Variants in BRCA2 observed in about 807,000 individuals in gnomAD.
The protein encoded by BRCA2 is BRCA2 DNA repair associated.
BRCA2 carries 203 observed loss-of-function variants against 276.7 expected under a neutral mutation model. That is an observed-to-expected ratio of 0.73 (90% confidence interval 0.65 to 0.82). The LOEUF (loss-of-function observed/expected upper bound fraction) is 0.82. Ranked by LOEUF, BRCA2 falls within the 40% of genes least tolerant of loss-of-function variation. The probability of loss-of-function intolerance (pLI) is 0.00; values close to 1 mark genes in which losing one functional copy is unlikely to be tolerated. For synonymous variants in BRCA2, 1,289 were observed against 1,338.4 expected (o/e 0.96, Z 0.81); for missense variants, 3,920 against 3,915.0 (o/e 1.00, Z -0.03).
intron 17 of BRCA2, 30 bp downstream of exon 17, chr13:32,362,723 A>G (rs1194287289): frequency 1.1e-5 from 17 of 1,610,754 alleles, no homozygotes; most frequent in Non-Finnish European, 1.4e-5. Context: ...TTACGTAATC[A>G]TATACGGCAG....
At chr13:32,315,799 A>T (rs903641928) in intron 1 of BRCA2, 132 bp downstream of exon 1, 1 of 153,778 alleles carries the variant, frequency 6.5e-6, no homozygotes, top group Non-Finnish European at 1.4e-5. Context: ...ACCCCCACCC[A>T]TGCCTGAGAG....
rs752309823 is a variant in BRCA2 at position 32,333,056 on chromosome 13, T to C, written c.1578T>C (p.Asp526=). 1.1e-5 allele frequency: 18 copies of C among 1,609,812 alleles called. No homozygotes were observed. The highest frequency in any genetic ancestry group is 8.5e-7 in the Non-Finnish European group (1 of 1,179,136). Reference sequence around the variant, plus strand: ...CAAGTTTTTCAGGTCATATGACTGATCCAAACTTTAAAAAAGAAACTGAAG... The same window carrying C: ...CAAGTTTTTCAGGTCATATGACTGACCCAAACTTTAAAAAAGAAACTGAAG... ...FNASFSGHMT[D]PNFKKETEAS... is the part of the protein sequence containing the mutation. Residue 526 remains aspartate, a synonymous_variant, in exon 10 of 27, where the codon GAT becomes GAC. Coordinates refer to ENST00000380152, the MANE Select transcript of BRCA2 (RefSeq NM_000059.4).
intron 16 of BRCA2, among the ~76,000 whole-genome samples, chr13:32,362,274 C>T (rs942547296): frequency 6.6e-6 from 1 of 152,322 alleles, no homozygotes; most frequent in East Asian, 1.9e-4. Flanking sequence ...AAGCAATCCT[C>T]CTGCCTCAGC....
chr13:32,318,419 G>T (rs569542706), intron 2 of BRCA2, among the ~76,000 whole-genome samples: 3 of 151,562 alleles, frequency 2.0e-5, no homozygotes, highest in Admixed American at 2.0e-4. Context: ...TGAATTTTTT[G>T]AATTTTATCT....
intron 18 of BRCA2, 133 bp downstream of exon 18, chr13:32,363,666 G>A (rs2072762461): frequency 2.2e-6 from 2 of 894,972 alleles, no homozygotes; most frequent in East Asian, 2.6e-5. Flanking sequence ...AGTATAAAAA[G>A]CATATTCTTC....
At chr13:32,354,190 A>G (rs1010160929) in intron 13 of BRCA2, among the ~76,000 whole-genome samples, 4 of 152,294 alleles carry the variant, frequency 2.6e-5, no homozygotes, top group East Asian at 1.9e-4. Flanking sequence ...TGCATCCCAC[A>G]TGCATCTGGG....
rs145615358 is a variant in BRCA2, at chr13:32,317,747, A to AT, written c.67+1224dup. 0.017 allele frequency among the ~76,000 whole-genome samples: 2,649 copies of AT among 152,350 alleles called. 36 individuals carry two copies. Among genetic ancestry groups the AT allele is most frequent in the Non-Finnish European group, 0.026 (1,770 of 68,020 alleles). On this transcript the variant is annotated intron_variant, in intron 2 of 26. Transcript: ENST00000380152. ...TTCTAATTTTCATTTGAAAGTTCAC[A>AT]TTTTGTCATTGACAACAAACTGTTT... is the stretch of plus-strand genomic sequence containing the variant.
rs28897729 is a variant in BRCA2, at chr13:32,338,979, G to T, written c.4624G>T (p.Val1542Leu). Residue 1542 changes from valine (V) to leucine (L), a missense_variant, in exon 11 of 27, where the codon GTG becomes TTG. This residue lies in a region of BRCA2 where 3,263 missense variants were observed against 3,156.9 expected (regional missense o/e 1.03). Coordinates refer to ENST00000380152, the MANE Select transcript of BRCA2 (RefSeq NM_000059.4). ...AATTGCAAAGGAATCTTTGGACAAA[G>T]TGAAAAACCTTTTTGATGAAAAAGA... is the stretch of plus-strand genomic sequence containing the variant. ...VKIAKESLDKVKNLFDEKEQG... is the reference protein window; with the variant it reads ...VKIAKESLDKLKNLFDEKEQG... 2 of 1,613,552 alleles carry T rather than the reference G, an allele frequency of 1.2e-6. No individual in the cohort carries two copies. Among genetic ancestry groups the T allele is most frequent in the East Asian group, 2.2e-5 (1 of 44,872 alleles).
intron 18 of BRCA2, among the ~76,000 whole-genome samples, chr13:32,365,721 C>A (rs922446016): frequency 9.4e-6 from 1 of 105,870 alleles, no homozygotes; most frequent in Non-Finnish European, 1.9e-5. Context: ...ACTTTGGTGT[C>A]TTTTTTTTTT....
Position 32,336,361 on chromosome 13 carries a change from A to G in BRCA2, c.2006A>G (p.Lys669Arg). 1 of 1,609,602 alleles carries G rather than the reference A, an allele frequency of 6.2e-7. No homozygotes were observed. The highest frequency in any genetic ancestry group is 1.1e-5 in the South Asian group (1 of 90,176). The change falls in exon 11 of 27, where the codon AAA (lysine) becomes AGA (arginine). Residue 669 changes from lysine (K) to arginine (R), a missense_variant. Around this residue, in one of 2 missense-constraint regions of BRCA2, gnomAD observed 3,263 missense variants for 3,156.9 expected, o/e 1.03. Coordinates refer to ENST00000380152, the MANE Select transcript of BRCA2 (RefSeq NM_000059.4). ...LTSSFGTILR[K>R]CSRNETCSNN... ...AGCTCTTTTGGGACAATTCTGAGGA[A>G]ATGTTCTAGAAATGAAACATGTTCT...
In BRCA2 at chr13:32,332,995, T is replaced by C. The variant is rs1249900164; in HGVS notation, c.1517T>C (p.Phe506Ser). The part of the protein sequence containing the change: ...SSFQGIKKSI[F>S]RIRESPKETF... ...TTTCAGGGTATCAAAAAGTCTATATTCAGAATAAGAGAATCACCTAAAGAG... is the reference window on the plus strand; with the variant it reads ...TTTCAGGGTATCAAAAAGTCTATATCCAGAATAAGAGAATCACCTAAAGAG... The change falls in exon 10 of 27, where the codon TTC (phenylalanine) becomes TCC (serine). Residue 506 changes from phenylalanine to serine, a missense_variant. Physicochemically the swap from Phe to Ser is radical, Grantham distance 155. This residue lies in a region of BRCA2 where 3,263 missense variants were observed against 3,156.9 expected (regional missense o/e 1.03). Transcript: ENST00000380152. 1.3e-6 allele frequency: 2 copies of C among 1,594,138 alleles called. No individual in the cohort carries two copies. Among genetic ancestry groups the C allele is most frequent in the Non-Finnish European group, 1.7e-6 (2 of 1,175,002 alleles).
rs1308950771 is a variant in BRCA2 at position 32,339,705 on chromosome 13, A to C, written c.5350A>C (p.Asn1784His). Residue 1784 changes from asparagine to histidine, a missense_variant, in exon 11 of 27, where the codon AAC becomes CAC. Physicochemically the swap from Asn to His is moderately conservative, Grantham distance 68. Around this residue, in one of 2 missense-constraint regions of BRCA2, gnomAD observed 3,263 missense variants for 3,156.9 expected, o/e 1.03. Transcript: ENST00000380152. ...PVLKNVEDQK[N>H]TSFSKVISNV... ...ATTGAAGAATGTTGAAGATCAAAAA[A>C]ACACTAGTTTTTCCAAAGTAATATC... 1.9e-6 allele frequency: 3 copies of C among 1,613,390 alleles called. No individual in the cohort carries two copies. The highest frequency in any genetic ancestry group is 2.5e-6 in the Non-Finnish European group (3 of 1,179,550).
At position 32,398,680 on chromosome 13, in the gene BRCA2, T is replaced by G; in HGVS notation, c.10167T>G (p.Ser3389=). Residue 3389 remains serine (S), a synonymous_variant, in exon 27 of 27, where the codon TCT becomes TCG. Coordinates refer to ENST00000380152, the MANE Select transcript of BRCA2 (RefSeq NM_000059.4). ...GACTGAAACGACGTTGTACTACATC[T>G]CTGATCAAAGAACAGGAGAGTTCCC... The part of the protein sequence containing the change: ...YLRLKRRCTT[S]LIKEQESSQA... 1 of 1,614,136 alleles carries G rather than the reference T, an allele frequency of 6.2e-7. No individual in the cohort carries two copies. The highest frequency in any genetic ancestry group is 8.5e-7 in the Non-Finnish European group (1 of 1,180,020).
At position 32,338,566 on chromosome 13, in the gene BRCA2, C is replaced by T. The variant is rs41293489; in HGVS notation, c.4211C>T (p.Ser1404Leu). 3.8e-6 allele frequency: 6 copies of T among 1,595,604 alleles called. No individual in the cohort carries two copies. The highest frequency in any genetic ancestry group is 5.1e-6 in the Non-Finnish European group (6 of 1,171,882). Residue 1404 changes from serine to leucine, a missense_variant, in exon 11 of 27, where the codon TCA becomes TTA. Coordinates refer to ENST00000380152, the MANE Select transcript of BRCA2 (RefSeq NM_000059.4). ...CAAGAAGCATGTCATGGTAATACTT[C>T]AAATAAAGAACAGTTAACTGCTACT... ...KAQEACHGNTSNKEQLTATKT... is the reference protein window; with the variant it reads ...KAQEACHGNTLNKEQLTATKT...
intron 26 of BRCA2, 122 bp from the exon 27 acceptor site, chr13:32,398,040 T>C: frequency 9.9e-7 from 1 of 1,012,058 alleles, no homozygotes; most frequent in South Asian, 1.6e-5. Context: ...TATTAGGAGT[T>C]AGGGGAGGGA....
At position 32,394,735 on chromosome 13, in the gene BRCA2, G is replaced by A. The variant is rs1192904712; in HGVS notation, c.9303G>A (p.Leu3101=). 6.2e-7 allele frequency: 1 copy of A among 1,613,642 alleles called. No homozygotes were observed. Among genetic ancestry groups the A allele is most frequent in the Non-Finnish European group, 8.5e-7 (1 of 1,179,814 alleles). The stretch of plus-strand genomic sequence containing the variant: ...TGTCAGACGAATGTTACAATTTACT[G>A]GCAATAAAGTTTTGGATAGACCTTA... ...VYLSDECYNL[L]AIKFWIDLNE... is the part of the protein sequence containing the mutation. Residue 3101 remains leucine, a synonymous_variant, in exon 25 of 27, where the codon CTG becomes CTA. Transcript: ENST00000380152.
chr13:32,335,918 G>T (rs985988731), intron 10 of BRCA2, among the ~76,000 whole-genome samples: 3 of 151,912 alleles, frequency 2.0e-5, no homozygotes, highest in Admixed American at 6.6e-5. Context: ...GTCTCATTCT[G>T]TTACCTAGTC....
chr13:32,328,245 GTTTT>G (rs1173083833), intron 7 of BRCA2, among the ~76,000 whole-genome samples: 1 of 139,368 alleles, frequency 7.2e-6, no homozygotes, highest in Admixed American at 7.3e-5. Context: ...TTTCTTTTTC[GTTTT>G]TTTTTTTTTT....
In BRCA2 at chr13:32,323,325, T is replaced by C. The variant is rs144599707; in HGVS notation, c.317-1751T>C. On this transcript the variant is annotated intron_variant, in intron 3 of 26. Transcript: ENST00000380152. ...CCGCCACCACACCTGGCTGATTTTT[T>C]TGTATTTTTAGTAGAGACGGGGTTT... 1.2e-3 allele frequency among the ~76,000 whole-genome samples: 189 copies of C among 152,210 alleles called. 2 individuals are homozygous for C. Among genetic ancestry groups the C allele is most frequent in the African/African-American group, 4.3e-3 (177 of 41,550 alleles).
Sources: gnomAD v4.1 joint callset for allele counts (sites outside exome capture counted in the v4.1 genomes callset) on GRCh38, gnomAD v4.1.1 for gene constraint, gnomAD v4.1.1 regional missense constraint, MANE v1.5 for transcripts, NCBI Gene and HGNC (gene_info 2026-07-23, HGNC 2026-07-21) for gene names.